ELOVL6: variants seen among roughly 807,000 people sequenced by gnomAD.
ELOVL6 encodes the protein ELOVL fatty acid elongase 6.
In ELOVL6, 8 loss-of-function variants were observed where a neutral mutation model predicts 31.7. The ratio of observed to expected loss-of-function variants is 0.25; its 90% CI spans 0.15 to 0.45. The LOEUF is 0.45. ELOVL6 is among the 20% of genes least tolerant of loss of function. The pLI is 1.00. For synonymous variants in ELOVL6, 101 were observed against 117.7 expected, an observed-to-expected ratio of 0.86 and a Z score of 0.92; for missense variants, 126 against 326.4, an observed-to-expected ratio of 0.39 and a Z score of 4.73.
intron 1 of ELOVL6, among the ~76,000 whole-genome samples, chr4:110,134,315 G>A (rs529593632): frequency 2.0e-5 from 3 of 152,220 alleles, no homozygotes; most frequent in African/African-American, 2.4e-5. Flanking sequence ...TCCTTCCTTC[G>A]ATACTCCATC....
intron 3 of ELOVL6, among the ~76,000 whole-genome samples, chr4:110,052,387 CAA>C (rs1480729260): frequency 6.6e-6 from 1 of 152,118 alleles, no homozygotes; most frequent in Non-Finnish European, 1.5e-5. Flanking sequence ...AAAACCTAAA[CAA>C]AAGACAGAAA....
intron 2 of ELOVL6, among the ~76,000 whole-genome samples, chr4:110,099,322 GA>G (rs58851587): frequency 0.09 from 13,710 of 151,552 alleles, 1,385 homozygotes; most frequent in African/African-American, 0.24. Flanking sequence ...TCCCACAAAA[GA>G]AAAAAAGAGA....
In ELOVL6 at chr4:110,114,400, G is replaced by C. The variant is rs1279275849; in HGVS notation, c.90-8772C>G. ...GTGGCCTAATGACCCTAGACATATA[G>C]AATCTCAAGATTGGAACAGACCTTA... On this transcript the variant is annotated intron_variant, in intron 1 of 3. Transcript: ENST00000302274. Among the ~76,000 whole-genome samples the C allele has an allele frequency of 2.0e-5, 3 of 151,792 alleles. No homozygotes were observed. The East Asian group carries it at 5.8e-4, about 29-fold the overall frequency.
chr4:110,192,078 T>TG (rs1323432396), intron 1 of ELOVL6, among the ~76,000 whole-genome samples: 1 of 151,004 alleles, frequency 6.6e-6, no homozygotes, highest in Non-Finnish European at 1.5e-5. Flanking sequence ...TAAACCCAGC[T>TG]ACTCAGGAGG....
rs1578263615 is a variant in ELOVL6, at chr4:110,151,788, G to C, written c.90-46160C>G. ...TTCTCCCACTTACTAGCTGTACAAT[G>C]TTTGGTGAATTACTTAATCTCTTGG... On this transcript the variant is annotated intron_variant, in intron 1 of 3. Transcript: ENST00000302274. 3.3e-5 allele frequency among the ~76,000 whole-genome samples: 5 copies of C among 152,268 alleles called. No individual in the cohort carries two copies. In the South Asian group the frequency reaches 1.0e-3, roughly 32 times the overall value.
At chr4:110,069,486 C>G (rs1047414607) in intron 2 of ELOVL6, among the ~76,000 whole-genome samples, 1 of 152,078 alleles carries the variant, frequency 6.6e-6, no homozygotes, top group East Asian at 1.9e-4. Flanking sequence ...TGACTCTGTG[C>G]GAGCACTGCA....
rs922642507 is a variant in ELOVL6, at chr4:110,050,136, G to A, written c.*1202C>T. 2 of 152,528 alleles carry A rather than the reference G, an allele frequency of 1.3e-5. No homozygotes were observed. The highest frequency in any genetic ancestry group is 2.9e-5 in the Non-Finnish European group (2 of 68,030). The allele number at this position is 152,528 out of a possible 1,614,324, so 9.4% of individuals were successfully genotyped here. A position where few individuals can be genotyped will look rare whatever the true frequency, so the allele number is the denominator to read the frequency against. ...AGTATTGCCACTCAGCCAGCAGAGG[G>A]CCCTTTAAACACCTCTACATTGCTT... On this transcript the variant is annotated 3_prime_UTR_variant, in exon 4 of 4. Transcript: ENST00000302274.
chr4:110,107,963 T>C (rs1309174747), intron 1 of ELOVL6, among the ~76,000 whole-genome samples: 1 of 152,164 alleles, frequency 6.6e-6, no homozygotes, highest in African/African-American at 2.4e-5. Context: ...CCTGTTCTTG[T>C]GGTAAACTTT....
chr4:110,174,864 C>T (rs1377437046), intron 1 of ELOVL6, among the ~76,000 whole-genome samples: 1 of 152,002 alleles, frequency 6.6e-6, no homozygotes, highest in South Asian at 2.1e-4. Flanking sequence ...AAATGAACAA[C>T]CTAATTATTC....
intron 1 of ELOVL6, among the ~76,000 whole-genome samples, chr4:110,168,627 C>T (rs776050117): frequency 2.7e-4 from 41 of 152,138 alleles, no homozygotes; most frequent in Non-Finnish European, 4.9e-4. Flanking sequence ...ATGAGCCCCA[C>T]CATATGCTTT....
At chr4:110,095,396 C>CACTTGAACCCAGGAG (rs1207759626) in intron 2 of ELOVL6, among the ~76,000 whole-genome samples, 4 of 151,030 alleles carry the variant, frequency 2.6e-5, no homozygotes, top group Non-Finnish European at 5.9e-5. Context: ...GCATGAGAAT[C>CACTTGAACCCAGGAG]ACTTGAACCC....
At chr4:110,172,752 A>G (rs961746045) in intron 1 of ELOVL6, among the ~76,000 whole-genome samples, 1 of 152,236 alleles carries the variant, frequency 6.6e-6, no homozygotes, top group Non-Finnish European at 1.5e-5. Context: ...GTACTTAAAA[A>G]TTCTTGCTGA....
intron 1 of ELOVL6, among the ~76,000 whole-genome samples, chr4:110,148,214 G>A (rs1288140722): frequency 6.6e-6 from 1 of 151,348 alleles, no homozygotes; most frequent in African/African-American, 2.4e-5. Flanking sequence ...AGAAGCATAT[G>A]AAAAAATGTT....
chr4:110,170,833 C>T (rs573065654), intron 1 of ELOVL6, among the ~76,000 whole-genome samples: 2 of 152,142 alleles, frequency 1.3e-5, no homozygotes, highest in South Asian at 2.1e-4. Flanking sequence ...GCTCCTGGCT[C>T]GCAACTCCCA....
At chr4:110,164,440 C>G (rs898179846) in intron 1 of ELOVL6, among the ~76,000 whole-genome samples, 1 of 152,132 alleles carries the variant, frequency 6.6e-6, no homozygotes, top group Non-Finnish European at 1.5e-5. Context: ...TTTCATAAGT[C>G]TGCCACAAGA....
intron 1 of ELOVL6, among the ~76,000 whole-genome samples, chr4:110,179,920 A>C (rs544555753): frequency 2.0e-5 from 3 of 152,260 alleles, no homozygotes; most frequent in Non-Finnish European, 4.4e-5. Flanking sequence ...GAAAAGGTAG[A>C]ACATGTCATC....
chr4:110,164,405 A>G (rs1276805941), intron 1 of ELOVL6, among the ~76,000 whole-genome samples: 1 of 152,216 alleles, frequency 6.6e-6, no homozygotes, highest in Admixed American at 6.5e-5. Context: ...CTAGGCACTA[A>G]GGAAACACTT....
chr4:110,113,937 T>G (rs915928765), intron 1 of ELOVL6, among the ~76,000 whole-genome samples: 3 of 152,166 alleles, frequency 2.0e-5, no homozygotes, highest in African/African-American at 7.2e-5. Flanking sequence ...CAATGCTCAC[T>G]TGTTAAATTA....
At chr4:110,186,192 AACAAAACAAG>A (rs1022051526) in intron 1 of ELOVL6, among the ~76,000 whole-genome samples, 2 of 152,206 alleles carry the variant, frequency 1.3e-5, no homozygotes, top group Admixed American at 6.5e-5. Context: ...TCCGTCCCAA[AACAAAACAAG>A]ACAAAACAAA....
Sources: gnomAD v4.1 joint callset for allele counts (sites outside exome capture counted in the v4.1 genomes callset) on GRCh38, gnomAD v4.1.1 for gene constraint, MANE v1.5 for transcripts, NCBI Gene and HGNC (gene_info 2026-07-23, HGNC 2026-07-21) for gene names.